The following SETD7 variants were observed in gnomAD, a reference collection of about 807,000 sequenced individuals.
SETD7 encodes the protein SET domain containing 7, histone lysine methyltransferase, also known as histone-lysine N-methyltransferase SETD7.
A neutral mutation model predicts 41.8 loss-of-function variants in SETD7; 16 were observed. The observed-to-expected ratio is 0.38, with a 90% CI of 0.26 to 0.58. The LOEUF is 0.58. Among genes scored for constraint, SETD7 ranks in the 20% least tolerant of loss-of-function variants. SETD7 has a pLI of 0.64. For missense variants in SETD7, 346 were observed against 459.7 expected (o/e 0.75, Z 2.26); for synonymous variants, 163 against 169.7 (o/e 0.96, Z 0.31).
intron 7 of SETD7, among the ~76,000 whole-genome samples, chr4:139,515,167 CAAAAAAA>C (rs35165608): frequency 3.1e-5 from 3 of 96,166 alleles, no homozygotes; most frequent in Non-Finnish European, 6.1e-5. Flanking sequence ...AACTCCACCT[CAAAAAAA>C]AAAAAAAAAA....
At chr4:139,500,501 T>G (rs4259013) in intron 7 of SETD7, among the ~76,000 whole-genome samples, 1 of 152,086 alleles carries the variant, frequency 6.6e-6, no homozygotes, top group African/African-American at 2.4e-5. Context: ...AAGCTGGTGG[T>G]TTTTGTTTGT....
intron 7 of SETD7, among the ~76,000 whole-genome samples, chr4:139,497,581 G>GT (rs1292663680): frequency 2.0e-5 from 3 of 149,656 alleles, no homozygotes; most frequent in Non-Finnish European, 4.5e-5. Flanking sequence ...TGTTTTTTTT[G>GT]TTTTTTTGTT....
rs1183122879 is a variant in SETD7, at chr4:139,555,446, G to A, written c.40+652C>T. Among the ~76,000 whole-genome samples, 1 of 152,140 alleles carries A rather than the reference G, an allele frequency of 6.6e-6. No individual in the cohort carries two copies. Among genetic ancestry groups the A allele is most frequent in the East Asian group, 1.9e-4 (1 of 5,148 alleles). On this transcript the variant is annotated intron_variant, in intron 1 of 7. Transcript: ENST00000274031. The surrounding 1 kb of genome is among the most constrained non-coding windows in gnomAD (Gnocchi z 4.0). ...GCCTGACTGAGTTCGCTCGGGGGCAGCTGAGGGGAGGGCTGCCCGCCTCCC... is the reference window on the plus strand; with the variant it reads ...GCCTGACTGAGTTCGCTCGGGGGCAACTGAGGGGAGGGCTGCCCGCCTCCC...
intron 7 of SETD7, among the ~76,000 whole-genome samples, chr4:139,515,732 AG>A (rs1376638390): frequency 6.6e-6 from 1 of 152,242 alleles, no homozygotes; most frequent in Non-Finnish European, 1.5e-5. Flanking sequence ...AGTCGTTGCC[AG>A]GAAAATTTTT....
At position 139,506,383 on chromosome 4, in the gene SETD7, AC is replaced by A. The variant is rs1726702361; in HGVS notation, c.*5279del. The A allele has an allele frequency of 6.6e-6, 1 of 152,642 alleles. No homozygotes were observed. The highest frequency in any genetic ancestry group is 2.4e-5 in the African/African-American group (1 of 41,450). 9.5% of individuals were successfully genotyped at this position (152,642 alleles called of 1,614,324 possible). On this transcript the variant is annotated 3_prime_UTR_variant, in exon 8 of 8. Coordinates refer to ENST00000274031, the MANE Select transcript of SETD7 (RefSeq NM_030648.4). ...TGGTTGCAATAAATGCTGAAAGCAT[AC>A]CCCTGGCTTCTACTTCTTCAACATA...
chr4:139,518,538 G>T (rs550871834), intron 6 of SETD7, among the ~76,000 whole-genome samples: 1 of 151,992 alleles, frequency 6.6e-6, no homozygotes, highest in Non-Finnish European at 1.5e-5. Flanking sequence ...CAGGCAGCTC[G>T]ACTTAACTAT....
intron 5 of SETD7, among the ~76,000 whole-genome samples, chr4:139,522,822 C>A (rs1041652242): frequency 7.0e-6 from 1 of 142,508 alleles, no homozygotes; most frequent in Non-Finnish European, 1.5e-5. Flanking sequence ...GGCATGATCT[C>A]GGCTCACTGT....
downstream of SETD7, among the ~76,000 whole-genome samples, chr4:139,505,453 G>A (rs1199185974): frequency 6.6e-6 from 1 of 152,152 alleles, no homozygotes; most frequent in Non-Finnish European, 1.5e-5. Context: ...GCTGAGTGTG[G>A]TGGTAAGCGC....
In SETD7 at chr4:139,541,111, A is replaced by G. The variant is rs17050816; in HGVS notation, c.170+5809T>C. 1.9e-3 allele frequency among the ~76,000 whole-genome samples: 296 copies of G among 152,298 alleles called. 2 individuals carry two copies. The highest frequency in any genetic ancestry group is 7.0e-3 in the African/African-American group (290 of 41,562). Reference sequence around the variant, plus strand: ...GGAGTAGTAAATCCTTTAAAATCAAATTGGCATGTGAAGGAGAGGCATCAA... The same window carrying G: ...GGAGTAGTAAATCCTTTAAAATCAAGTTGGCATGTGAAGGAGAGGCATCAA... On this transcript the variant is annotated intron_variant, in intron 2 of 7. Transcript: ENST00000274031.
In SETD7 at chr4:139,554,606, C is replaced by A. The variant is rs1367387997; in HGVS notation, c.40+1492G>T. Among the ~76,000 whole-genome samples the A allele has an allele frequency of 2.0e-5, 3 of 152,198 alleles. No individual in the cohort carries two copies. In the East Asian group the frequency reaches 5.8e-4, roughly 29 times the overall value. Reference sequence around the variant, plus strand: ...TGTATCTGGGCCTCACTCCAGTAAGCCCCAACATTGGCTTTATTTATTAGA... The same window carrying A: ...TGTATCTGGGCCTCACTCCAGTAAGACCCAACATTGGCTTTATTTATTAGA... On this transcript the variant is annotated intron_variant, in intron 1 of 7. Transcript: ENST00000274031.
intron 2 of SETD7, among the ~76,000 whole-genome samples, chr4:139,543,264 T>C (rs905269180): frequency 1.3e-5 from 2 of 152,150 alleles, no homozygotes; most frequent in Non-Finnish European, 2.9e-5. Flanking sequence ...GAAAAAGTAA[T>C]AGACAAATAT....
Position 139,511,353 on chromosome 4 carries a change from A to T in SETD7, c.*310T>A. 1 of 330,854 alleles carries T rather than the reference A, an allele frequency of 3.0e-6. No homozygotes were observed. The highest frequency in any genetic ancestry group is 5.5e-6 in the Non-Finnish European group (1 of 181,544). 20.5% of individuals were successfully genotyped at this position (330,854 alleles called of 1,614,324 possible). ...CTGAAAAACCCCGTTTCCCTGTTTCAGTCTAATCATTTGGCATCTCCGAAT... is the reference window on the plus strand; with the variant it reads ...CTGAAAAACCCCGTTTCCCTGTTTCTGTCTAATCATTTGGCATCTCCGAAT... On this transcript the variant is annotated 3_prime_UTR_variant, in exon 8 of 8. Transcript: ENST00000274031.
intron 3 of SETD7, among the ~76,000 whole-genome samples, chr4:139,531,111 T>A (rs1043526063): frequency 1.3e-5 from 2 of 152,124 alleles, no homozygotes. Context: ...TGGGTAGGGG[T>A]TAAGAGGACA....
intron 5 of SETD7, 27 bp from the exon 6 acceptor site, chr4:139,520,421 G>T: frequency 7.5e-7 from 1 of 1,334,372 alleles, no homozygotes; most frequent in Non-Finnish European, 1.1e-6. Context: ...GTTGAATAGT[G>T]ACCTTTTCAG....
intron 2 of SETD7, among the ~76,000 whole-genome samples, chr4:139,541,019 G>A (rs1560689877): frequency 6.6e-6 from 1 of 152,194 alleles, no homozygotes; most frequent in Non-Finnish European, 1.5e-5. Flanking sequence ...AAATTACACG[G>A]AGCCCTTTTG....
intron 1 of SETD7, 24 bp downstream of exon 1, chr4:139,556,074 C>T (rs1728269639): frequency 6.3e-7 from 1 of 1,584,700 alleles, no homozygotes; most frequent in Non-Finnish European, 8.6e-7. Context: ...GCCTCCTCCC[C>T]CGGCCCCGGA....
rs532566413 is a variant in SETD7, at chr4:139,534,244, C to T, written c.171-878G>A. On this transcript the variant is annotated intron_variant, in intron 2 of 7. Coordinates refer to ENST00000274031, the MANE Select transcript of SETD7 (RefSeq NM_030648.4). Reference sequence around the variant, plus strand: ...TGAAAGGCCCTATGCAATGAAACACCCAAAATTCCCTTTAAGTACTAAAAT... The same window carrying T: ...TGAAAGGCCCTATGCAATGAAACACTCAAAATTCCCTTTAAGTACTAAAAT... 1.8e-4 allele frequency among the ~76,000 whole-genome samples: 28 copies of T among 152,184 alleles called. 1 individual carries two copies. In the South Asian group the frequency reaches 5.8e-3, roughly 32 times the overall value.
chr4:139,500,662 C>A (rs1238988019), intron 7 of SETD7, among the ~76,000 whole-genome samples: 1 of 152,206 alleles, frequency 6.6e-6, no homozygotes, highest in African/African-American at 2.4e-5. Context: ...GCATGCACCA[C>A]CACGCCCAGC....
intron 2 of SETD7, among the ~76,000 whole-genome samples, chr4:139,542,267 G>C (rs1413028986): frequency 6.6e-6 from 1 of 152,218 alleles, no homozygotes; most frequent in African/African-American, 2.4e-5. Flanking sequence ...AGGATGGGGA[G>C]AGGTTGGTCA....
Sources: allele counts gnomAD v4.1 joint callset (sites outside exome capture counted in the v4.1 genomes callset), GRCh38; gene constraint gnomAD v4.1.1; non-coding constraint Gnocchi (gnomAD v3.1); transcripts MANE v1.5; gene names NCBI Gene and HGNC (gene_info 2026-07-23, HGNC 2026-07-21).